PPP6R2: variants seen among roughly 807,000 people sequenced by gnomAD.
PPP6R2 encodes serine/threonine-protein phosphatase 6 regulatory subunit 2.
PPP6R2 carries 62 observed loss-of-function variants against 100.2 expected under a neutral mutation model. That is an observed-to-expected ratio of 0.62 (90% CI 0.50 to 0.76). PPP6R2 has a LOEUF of 0.76. Among genes scored for constraint, PPP6R2 ranks in the 30% least tolerant of loss-of-function variants. PPP6R2 has a pLI of 0.00. For missense variants in PPP6R2, 1,142 were observed against 1,276.3 expected (o/e 0.89, Z 1.60); for synonymous variants, 525 against 514.7 (o/e 1.02, Z -0.27).
At chr22:50,369,237 TAAA>T (rs201345413) in intron 1 of PPP6R2, among the ~76,000 whole-genome samples, 3 of 141,372 alleles carry the variant, frequency 2.1e-5, no homozygotes, top group South Asian at 2.2e-4. Flanking sequence ...AAATTCCATC[TAAA>T]AAAAAAAAAA....
chr22:50,440,906 G>A lies in PPP6R2; in HGVS notation c.2459G>A (p.Gly820Asp), dbSNP rs532029204. The A allele has an allele frequency of 6.2e-6, 10 of 1,613,762 alleles. No homozygotes were observed. The East Asian group carries it at 2.2e-4, about 36-fold the overall frequency. ...LLASDSSSSG[G>D]SHSEDGDQKA... ...GCCTCTGACAGTAGCTCCTCTGGGG[G>A]CTCCCACAGCGAGGATGGCGACCAG... The change falls in exon 22 of 24, where the codon GGC (glycine) becomes GAC (aspartate). Residue 820 changes from glycine (G) to aspartate (D), a missense_variant. Transcript: ENST00000612753.
At chr22:50,407,989 T>C (rs1287542427) in intron 4 of PPP6R2, among the ~76,000 whole-genome samples, 1 of 152,146 alleles carries the variant, frequency 6.6e-6, no homozygotes, top group Non-Finnish European at 1.5e-5. Context: ...GCTCAGGTGA[T>C]CCTCCCACCT....
chr22:50,418,732 A>G (rs1169025862), intron 6 of PPP6R2, 135 bp from the exon 7 acceptor site: 6 of 694,580 alleles, frequency 8.6e-6, no homozygotes, highest in Non-Finnish European at 1.3e-5. Flanking sequence ...TGAACATCAC[A>G]GTGGTATTGA....
intron 1 of PPP6R2, among the ~76,000 whole-genome samples, chr22:50,365,213 A>G (rs903921501): frequency 6.6e-6 from 1 of 151,766 alleles, no homozygotes; most frequent in African/African-American, 2.4e-5. Context: ...CTGGGATTAC[A>G]GGCATGCACC....
upstream of PPP6R2, chr22:50,343,244 A>G (rs922740304): frequency 6.8e-6 from 1 of 147,316 alleles, no homozygotes; most frequent in Middle Eastern, 3.5e-3. Flanking sequence ...GGCCCCGCCC[A>G]CCCGCGCGGC....
intron 4 of PPP6R2, among the ~76,000 whole-genome samples, chr22:50,408,117 G>T (rs1189427297): frequency 6.6e-6 from 1 of 152,124 alleles, no homozygotes; most frequent in Non-Finnish European, 1.5e-5. Flanking sequence ...GAACTCTTGG[G>T]CTCAAGTGAT....
At chr22:50,357,513 T>G (rs1164935581) in intron 1 of PPP6R2, among the ~76,000 whole-genome samples, 1 of 151,900 alleles carries the variant, frequency 6.6e-6, no homozygotes, top group African/African-American at 2.4e-5. Flanking sequence ...CTTTCTTTTT[T>G]GATGAGGTCT....
intron 1 of PPP6R2, among the ~76,000 whole-genome samples, chr22:50,364,556 T>C (rs2048375754): frequency 6.6e-6 from 1 of 152,192 alleles, no homozygotes; most frequent in African/African-American, 2.4e-5. Flanking sequence ...AATAAAAATA[T>C]TTAAAACTGA....
intron 4 of PPP6R2, among the ~76,000 whole-genome samples, chr22:50,410,874 C>T (rs1285328424): frequency 6.6e-6 from 1 of 152,056 alleles, no homozygotes; most frequent in Non-Finnish European, 1.5e-5. Flanking sequence ...CTCACTGCAA[C>T]CTCCGCCCCC....
chr22:50,402,324 GTTTC>G (rs2058179040), intron 3 of PPP6R2, among the ~76,000 whole-genome samples: 1 of 132,870 alleles, frequency 7.5e-6, no homozygotes, highest in Non-Finnish European at 1.6e-5. Flanking sequence ...GGGCACCCCA[GTTTC>G]TTTTTTTTTT....
chr22:50,332,859 T>C, the PPP6R2 span, among the ~76,000 whole-genome samples: 1 of 152,148 alleles, frequency 6.6e-6, no homozygotes, highest in Admixed American at 6.6e-5. Context: ...CTTGACGTCG[T>C]GATCCACCCG....
chr22:50,335,678 A>ATTTTTTTTTTTTTTTTTTTTTT, the PPP6R2 span, among the ~76,000 whole-genome samples: 3 of 128,942 alleles, frequency 2.3e-5, no homozygotes, highest in East Asian at 2.3e-4. Context: ...CACCCAACTA[A>ATTTTTTTTTTTTTTTTTTTTTT]TTTTTTTTTT....
Position 50,431,440 on chromosome 22 carries a change from C to T in PPP6R2, c.1335+58C>T, listed in dbSNP as rs1005616588. ...CAACTGCGCCCCACTCAGACCGTGT[C>T]CATGTCAGCGCTGACGTGTGCCGGA... On this transcript the variant is annotated intron_variant, in intron 11 of 23. Transcript: ENST00000612753. This position sits in a 1 kb window ranked among gnomAD's most constrained non-coding sequence, Gnocchi z 4.8. 2.8e-5 allele frequency: 42 copies of T among 1,485,642 alleles called. No individual in the cohort carries two copies. Among genetic ancestry groups the T allele is most frequent in the Non-Finnish European group, 3.8e-5 (41 of 1,083,744 alleles). The allele number at this position is 1,485,642 out of a possible 1,614,324, so 92.0% of individuals were successfully genotyped here. A position where few individuals can be genotyped will look rare whatever the true frequency, so the allele number is the denominator to read the frequency against.
At chr22:50,385,047 CCTCTT>C (rs1479514145) in intron 2 of PPP6R2, among the ~76,000 whole-genome samples, 2 of 151,980 alleles carry the variant, frequency 1.3e-5, no homozygotes, top group African/African-American at 4.8e-5. Context: ...CTGTACCTAA[CCTCTT>C]CTTTTTATAA....
At chr22:50,369,488 A>G (rs979379599) in intron 1 of PPP6R2, among the ~76,000 whole-genome samples, 14 of 151,974 alleles carry the variant, frequency 9.2e-5, no homozygotes, top group Admixed American at 5.3e-4. Context: ...CTGTTACCCA[A>G]GCTGCAGTAC....
At chr22:50,397,569 C>T (rs9616909) in intron 3 of PPP6R2, among the ~76,000 whole-genome samples, 8,937 of 96,516 alleles carry the variant, frequency 0.093, 1,079 homozygotes, top group African/African-American at 0.31. Flanking sequence ...CTCACCAGCC[C>T]TGTCATCTCT....
At chr22:50,438,327 C>T in intron 18 of PPP6R2, 29 bp downstream of exon 18, 2 of 1,598,454 alleles carry the variant, frequency 1.3e-6, no homozygotes, top group South Asian at 2.3e-5. Flanking sequence ...CCCACAAAGC[C>T]TCTGCCGAGG....
At chr22:50,394,895 C>T (rs1233225952) in intron 3 of PPP6R2, among the ~76,000 whole-genome samples, 1 of 115,574 alleles carries the variant, frequency 8.7e-6, no homozygotes, top group Admixed American at 1.2e-4. Context: ...TCCTGGGTGA[C>T]AGAGTGTGAC....
intron 4 of PPP6R2, among the ~76,000 whole-genome samples, chr22:50,413,172 C>T (rs1170043948): frequency 6.6e-6 from 1 of 150,722 alleles, no homozygotes; most frequent in African/African-American, 2.4e-5. Context: ...TGAGGCTGGT[C>T]TCGACCTCAG....
Sources: allele counts gnomAD v4.1 joint callset (sites outside exome capture counted in the v4.1 genomes callset), GRCh38; gene constraint gnomAD v4.1.1; non-coding constraint Gnocchi (gnomAD v3.1); transcripts MANE v1.5; gene names NCBI Gene and HGNC (gene_info 2026-07-23, HGNC 2026-07-21).